UEVLD: variants seen among roughly 807,000 people sequenced by gnomAD.
UEVLD encodes ubiquitin-conjugating enzyme E2 variant 3.
In UEVLD, 47 loss-of-function variants were observed where a neutral mutation model predicts 58.6. The observed-to-expected ratio is 0.80, with a 90% CI of 0.63 to 1.02. UEVLD has a LOEUF of 1.02. Ranked by LOEUF, UEVLD falls within the 50% of genes least tolerant of loss-of-function variation. The pLI, the probability that UEVLD is intolerant of heterozygous loss-of-function variation, is 0.00. For missense variants in UEVLD, 510 were observed against 550.6 expected (o/e 0.93, Z 0.74); for synonymous variants, 197 against 195.3 (o/e 1.01, Z -0.07).
At position 18,558,605 on chromosome 11, in the gene UEVLD, G is replaced by A. The variant is rs547444889; in HGVS notation, c.613-275C>T. On this transcript the variant is annotated intron_variant, in intron 6 of 11. Coordinates refer to ENST00000396197, the MANE Select transcript of UEVLD (RefSeq NM_001040697.4). Reference sequence around the variant, plus strand: ...TCAAGACCAGCCTGGCCAACATGGCGAAACCCCACCTCTACTAAAAATACA... The same window carrying A: ...TCAAGACCAGCCTGGCCAACATGGCAAAACCCCACCTCTACTAAAAATACA... Among the ~76,000 whole-genome samples the A allele has an allele frequency of 9.2e-5, 14 of 151,966 alleles. No individual in the cohort carries two copies. In the South Asian group the frequency reaches 2.7e-3, roughly 29 times the overall value.
intron 8 of UEVLD, among the ~76,000 whole-genome samples, chr11:18,545,074 A>ATATATT (rs1345787784): frequency 0.011 from 931 of 84,536 alleles, 25 homozygotes; most frequent in African/African-American, 0.018. Context: ...CTATATCTAT[A>ATATATT]TTTTTTTTTT....
At chr11:18,549,710 T>C (rs548323171) in intron 7 of UEVLD, among the ~76,000 whole-genome samples, 42 of 152,090 alleles carry the variant, frequency 2.8e-4, no homozygotes, top group Non-Finnish European at 5.4e-4. Context: ...TAAGCCACTG[T>C]GCCCAGCCCC....
intron 9 of UEVLD, among the ~76,000 whole-genome samples, chr11:18,542,846 A>G (rs1301662904): frequency 6.8e-6 from 1 of 147,944 alleles, no homozygotes; most frequent in Non-Finnish European, 1.5e-5. Context: ...CTTCAATTAA[A>G]TTATTACCTC....
chr11:18,554,061 C>T (rs758937147), intron 7 of UEVLD, among the ~76,000 whole-genome samples: 20 of 152,134 alleles, frequency 1.3e-4, no homozygotes, highest in African/African-American at 2.2e-4. Flanking sequence ...TCAATTCCCT[C>T]GGTCTGACTC....
At position 18,532,128 on chromosome 11, in the gene UEVLD, T is replaced by C; in HGVS notation, c.*192A>G. 6.8e-6 allele frequency: 3 copies of C among 438,602 alleles called. No individual in the cohort carries two copies. The highest frequency in any genetic ancestry group is 6.1e-4 in the Middle Eastern group (1 of 1,630). 27.2% of individuals were successfully genotyped at this position (438,602 alleles called of 1,614,324 possible). ...GATATCTCAAGAACCCCAAATAAAA[T>C]TAATTTTTCCCCTCCTTGTATAACT... On this transcript the variant is annotated 3_prime_UTR_variant, in exon 12 of 12. Coordinates refer to ENST00000396197, the MANE Select transcript of UEVLD (RefSeq NM_001040697.4).
chr11:18,582,405 CTTTTTT>C (rs773719146), intron 1 of UEVLD, among the ~76,000 whole-genome samples: 2 of 75,638 alleles, frequency 2.6e-5, no homozygotes, highest in Non-Finnish European at 5.2e-5. Flanking sequence ...AAAATATTAG[CTTTTTT>C]TTTTTTTTTT....
At chr11:18,550,520 G>A (rs1045682754) in intron 7 of UEVLD, among the ~76,000 whole-genome samples, 8 of 152,154 alleles carry the variant, frequency 5.3e-5, no homozygotes, top group African/African-American at 1.9e-4. Flanking sequence ...CCAAGATCTA[G>A]TCGCATAGCA....
intron 7 of UEVLD, among the ~76,000 whole-genome samples, chr11:18,551,893 G>A (rs1306380552): frequency 6.6e-6 from 1 of 152,158 alleles, no homozygotes; most frequent in African/African-American, 2.4e-5. Context: ...ATATACTACT[G>A]TTCTCGGATT....
chr11:18,585,460 T>C (rs1461842107), intron 1 of UEVLD, among the ~76,000 whole-genome samples: 2 of 152,180 alleles, frequency 1.3e-5, no homozygotes, highest in Non-Finnish European at 2.9e-5. Context: ...TTATCTGCAA[T>C]GTCTTCTGTT....
chr11:18,568,917 C>T (rs896438714), intron 4 of UEVLD, among the ~76,000 whole-genome samples: 6 of 151,574 alleles, frequency 4.0e-5, no homozygotes, highest in African/African-American at 9.7e-5. Context: ...TTTTTTGAGG[C>T]GGAGTCTCGC....
intron 3 of UEVLD, among the ~76,000 whole-genome samples, chr11:18,572,343 A>G (rs943655493): frequency 6.6e-6 from 1 of 152,244 alleles, no homozygotes; most frequent in African/African-American, 2.4e-5. Context: ...AAGAAATAAT[A>G]CCAAAAATTT....
chr11:18,531,855 A>G lies in UEVLD; in HGVS notation c.*465T>C, dbSNP rs1850572650. 6.6e-6 allele frequency: 1 copy of G among 152,282 alleles called. No individual in the cohort carries two copies. Among genetic ancestry groups the G allele is most frequent in the Admixed American group, 6.5e-5 (1 of 15,290 alleles). 9.4% of individuals were successfully genotyped at this position (152,282 alleles called of 1,614,324 possible). The stretch of plus-strand genomic sequence containing the variant: ...ACTATTACTACCAACAGGATTTTAC[A>G]CAAGAAACATTAGTAACTTAAGCTG... On this transcript the variant is annotated 3_prime_UTR_variant, in exon 12 of 12. Transcript: ENST00000396197.
rs569434174 is a variant in UEVLD at position 18,534,278 on chromosome 11, A to T, written c.1248+52T>A. On this transcript the variant is annotated intron_variant, in intron 11 of 11. Transcript: ENST00000396197. Reference sequence around the variant, plus strand: ...TGAATAATGATTTTGTTAGTTTTGTATTAATAATATCTAAGTTTAAAATAT... The same window carrying T: ...TGAATAATGATTTTGTTAGTTTTGTTTTAATAATATCTAAGTTTAAAATAT... 2.6e-5 allele frequency: 34 copies of T among 1,319,364 alleles called. No individual in the cohort carries two copies. In the South Asian group the frequency reaches 3.3e-4, roughly 13 times the overall value. 81.7% of individuals were successfully genotyped at this position (1,319,364 alleles called of 1,614,324 possible).
intron 6 of UEVLD, among the ~76,000 whole-genome samples, chr11:18,562,277 G>A (rs180940014): frequency 6.6e-6 from 1 of 151,960 alleles, no homozygotes; most frequent in East Asian, 2.0e-4. Context: ...GGCAGTGGCT[G>A]ACACCTGTAA....
chr11:18,572,329 G>A lies in UEVLD; in HGVS notation c.194-1952C>T, dbSNP rs762690444. Among the ~76,000 whole-genome samples, 6 of 152,230 alleles carry A rather than the reference G, an allele frequency of 3.9e-5. 1 individual carries two copies. Among genetic ancestry groups the A allele is most frequent in the Non-Finnish European group, 7.3e-5 (5 of 68,040 alleles). The stretch of plus-strand genomic sequence containing the variant: ...ATTATAACTTAACACAATGTTGGCT[G>A]TATAAGAAATAATACCAAAAATTTC... On this transcript the variant is annotated intron_variant, in intron 3 of 11. Coordinates refer to ENST00000396197, the MANE Select transcript of UEVLD (RefSeq NM_001040697.4).
At chr11:18,536,055 AC>A (rs1850781371) in intron 10 of UEVLD, among the ~76,000 whole-genome samples, 1 of 151,922 alleles carries the variant, frequency 6.6e-6, no homozygotes, top group Admixed American at 6.6e-5. Flanking sequence ...AATCGCTTGA[AC>A]CCGGGAGGCG....
intron 2 of UEVLD, among the ~76,000 whole-genome samples, chr11:18,577,003 T>C (rs1195436403): frequency 6.6e-6 from 1 of 152,074 alleles, no homozygotes; most frequent in Non-Finnish European, 1.5e-5. Context: ...GCCAACATGG[T>C]GAAACCTCAT....
Position 18,545,074 on chromosome 11 carries a change from A to ATATT in UEVLD, c.887-279_887-278insAATA, listed in dbSNP as rs1345787784. On this transcript the variant is annotated intron_variant, in intron 8 of 11. Transcript: ENST00000396197. ...TATCTATATCTATATCTATATCTATATTTTTTTTTTTTTTTTGAGATGGAG... is the reference window on the plus strand; with the variant it reads ...TATCTATATCTATATCTATATCTATATATTTTTTTTTTTTTTTTTTGAGATGGAG... Among the ~76,000 whole-genome samples, 50 of 84,544 alleles carry ATATT rather than the reference A, an allele frequency of 5.9e-4. 1 individual carries two copies. The highest frequency in any genetic ancestry group is 6.5e-4 in the South Asian group (2 of 3,056). The allele number at this position is 84,544 out of a possible 152,430, so 55.5% of individuals were successfully genotyped here.
chr11:18,581,220 T>C (rs1853223379), intron 1 of UEVLD, among the ~76,000 whole-genome samples: 1 of 149,318 alleles, frequency 6.7e-6, no homozygotes, highest in Non-Finnish European at 1.5e-5. Flanking sequence ...CAGGTGTGTA[T>C]GAAGGTCTTA....
Sources: gnomAD v4.1 joint callset for allele counts (sites outside exome capture counted in the v4.1 genomes callset) on GRCh38, gnomAD v4.1.1 for gene constraint, MANE v1.5 for transcripts, NCBI Gene and HGNC (gene_info 2026-07-23, HGNC 2026-07-21) for gene names.